PPFIA2: variants seen among roughly 807,000 people sequenced by gnomAD.
The protein encoded by PPFIA2 is liprin-alpha-2.
In PPFIA2, 46 loss-of-function variants were observed where a neutral mutation model predicts 175.5. The ratio of observed to expected loss-of-function variants is 0.26; its 90% CI spans 0.21 to 0.34. The LOEUF (loss-of-function observed/expected upper bound fraction) is 0.34. Among genes scored for constraint, PPFIA2 ranks in the 10% least tolerant of loss-of-function variants. PPFIA2 has a pLI of 1.00. For missense variants in PPFIA2, 1,179 were observed against 1,506.1 expected (o/e 0.78, Z 3.60); for synonymous variants, 568 against 511.4 (o/e 1.11, Z -1.49).
chr12:81,360,861 C>T (rs2029866111), intron 15 of PPFIA2, among the ~76,000 whole-genome samples: 1 of 151,606 alleles, frequency 6.6e-6, no homozygotes, highest in South Asian at 2.1e-4. Flanking sequence ...TACATATAAT[C>T]CCTACTGCTT....
chr12:81,486,835 A>G (rs2058872990), intron 4 of PPFIA2, among the ~76,000 whole-genome samples: 1 of 151,858 alleles, frequency 6.6e-6, no homozygotes, highest in Non-Finnish European at 1.5e-5. Context: ...ATAACTGTCA[A>G]CTCCAATTTT....
At chr12:81,674,143 T>C (rs1044619756) in intron 4 of PPFIA2, among the ~76,000 whole-genome samples, 1 of 152,014 alleles carries the variant, frequency 6.6e-6, no homozygotes, top group Non-Finnish European at 1.5e-5. Context: ...ACAGCAAAAT[T>C]TGCAATTTTA....
intron 4 of PPFIA2, among the ~76,000 whole-genome samples, chr12:81,514,498 G>A (rs2062166503): frequency 6.6e-6 from 1 of 151,754 alleles, no homozygotes; most frequent in East Asian, 1.9e-4. Flanking sequence ...ACTTCTAAGA[G>A]TGCTTTTTTT....
At chr12:81,355,508 T>C (rs1419971872) in intron 16 of PPFIA2, among the ~76,000 whole-genome samples, 1 of 152,204 alleles carries the variant, frequency 6.6e-6, no homozygotes, top group Non-Finnish European at 1.5e-5. Flanking sequence ...TTTACTTTTC[T>C]TCTCTATATA....
At chr12:81,438,077 T>C (rs2049424301) in intron 7 of PPFIA2, among the ~76,000 whole-genome samples, 1 of 152,214 alleles carries the variant, frequency 6.6e-6, no homozygotes, top group African/African-American at 2.4e-5. Context: ...TTTACTCTCC[T>C]ACTAGCTGAA....
At chr12:81,691,723 T>C (rs1427609981) in intron 3 of PPFIA2, among the ~76,000 whole-genome samples, 1 of 152,126 alleles carries the variant, frequency 6.6e-6, no homozygotes, top group Non-Finnish European at 1.5e-5. Flanking sequence ...TAATGGATAA[T>C]AGTTAGCTAA....
chr12:81,665,396 C>A (rs2069968166), intron 4 of PPFIA2, among the ~76,000 whole-genome samples: 1 of 151,986 alleles, frequency 6.6e-6, no homozygotes, highest in African/African-American at 2.4e-5. Context: ...TAACACGTAA[C>A]ACTCAGTGTT....
At chr12:81,502,747 T>C (rs1382984282) in intron 4 of PPFIA2, among the ~76,000 whole-genome samples, 3 of 152,198 alleles carry the variant, frequency 2.0e-5, no homozygotes, top group African/African-American at 7.2e-5. Context: ...CAAATGTTAA[T>C]ACCACTGCTA....
intron 8 of PPFIA2, among the ~76,000 whole-genome samples, chr12:81,385,296 T>C (rs533273338): frequency 1.3e-5 from 2 of 152,270 alleles, no homozygotes; most frequent in Admixed American, 1.3e-4. Context: ...GAAAAAGGTA[T>C]GAGAGTTCCT....
intron 3 of PPFIA2, among the ~76,000 whole-genome samples, chr12:81,695,627 C>A (rs770661062): frequency 2.0e-5 from 3 of 152,106 alleles, no homozygotes; most frequent in Non-Finnish European, 4.4e-5. Context: ...CAAAAATGGC[C>A]TAATACAAGA....
intron 28 of PPFIA2, among the ~76,000 whole-genome samples, chr12:81,268,744 T>C (rs1332241692): frequency 1.3e-5 from 2 of 152,358 alleles, no homozygotes; most frequent in East Asian, 3.9e-4. Context: ...GAGACATTTC[T>C]TATTTGTGTC....
At chr12:81,410,413 C>A (rs1012512683) in intron 7 of PPFIA2, among the ~76,000 whole-genome samples, 2 of 151,932 alleles carry the variant, frequency 1.3e-5, no homozygotes, top group African/African-American at 4.8e-5. Context: ...AGGGCTGATA[C>A]CCTTGCTGGA....
chr12:81,291,105 TTCA>T (rs2044848251), intron 24 of PPFIA2, among the ~76,000 whole-genome samples: 2 of 151,868 alleles, frequency 1.3e-5, no homozygotes, highest in South Asian at 4.1e-4. Context: ...TGACAAGATC[TTCA>T]TCAAATGTTT....
intron 3 of PPFIA2, among the ~76,000 whole-genome samples, chr12:81,743,500 G>A (rs2082629938): frequency 6.7e-6 from 1 of 150,188 alleles, no homozygotes; most frequent in Admixed American, 6.6e-5. Flanking sequence ...TAGAGTGGTG[G>A]GGGGGTGTTA....
At chr12:81,367,502 G>A (rs1050793558) in intron 13 of PPFIA2, among the ~76,000 whole-genome samples, 3 of 151,592 alleles carry the variant, frequency 2.0e-5, no homozygotes, top group African/African-American at 7.3e-5. Flanking sequence ...AAGAAAAAGT[G>A]AGCAACAAGC....
intron 4 of PPFIA2, among the ~76,000 whole-genome samples, chr12:81,626,294 C>T (rs564894112): frequency 5.3e-5 from 8 of 151,902 alleles, no homozygotes; most frequent in African/African-American, 1.4e-4. Flanking sequence ...TATTTTCAAG[C>T]TTTTTATGTT....
rs927161700 is a variant in PPFIA2 at position 81,632,747 on chromosome 12, C to G, written c.303+44044G>C. On this transcript the variant is annotated intron_variant, in intron 4 of 32. Transcript: ENST00000549396. ...ACAAATGCAGTAGCTGTTTTAGTGTCTGAGCCAAAAAAGCAAATCAGGATG... is the reference window on the plus strand; with the variant it reads ...ACAAATGCAGTAGCTGTTTTAGTGTGTGAGCCAAAAAAGCAAATCAGGATG... 3.3e-5 allele frequency among the ~76,000 whole-genome samples: 5 copies of G among 151,248 alleles called. No individual in the cohort carries two copies. The East Asian group carries it at 9.7e-4, about 29-fold the overall frequency.
chr12:81,462,936 A>T (rs2054914323), intron 4 of PPFIA2, among the ~76,000 whole-genome samples: 1 of 151,906 alleles, frequency 6.6e-6, no homozygotes, highest in Non-Finnish European at 1.5e-5. Context: ...TGTTCATTGG[A>T]TCTATCACAT....
chr12:81,660,416 C>T (rs1324071221), intron 4 of PPFIA2, among the ~76,000 whole-genome samples: 1 of 152,106 alleles, frequency 6.6e-6, no homozygotes, highest in East Asian at 1.9e-4. Flanking sequence ...GCTTCAGTAG[C>T]TGATTCGATC....
Sources: allele counts gnomAD v4.1 joint callset (sites outside exome capture counted in the v4.1 genomes callset), GRCh38; gene constraint gnomAD v4.1.1; transcripts MANE v1.5; gene names NCBI Gene and HGNC (gene_info 2026-07-23, HGNC 2026-07-21).